STPG2: variants seen among roughly 807,000 people sequenced by gnomAD.
STPG2 encodes sperm-tail PG-rich repeat-containing protein 2.
Under a neutral mutation model 54.2 loss-of-function variants are expected in STPG2, and 56 were observed. The observed-to-expected ratio is 1.03, with a 90% confidence interval of 0.83 to 1.29. The LOEUF (loss-of-function observed/expected upper bound fraction) is 1.29. STPG2 is among the 50% of genes most tolerant of loss of function. STPG2 has a pLI of 0.00. For synonymous variants in STPG2, 200 were observed against 181.8 expected (o/e 1.10, Z -0.81); for missense variants, 596 against 544.9 (o/e 1.09, Z -0.93).
chr4:97,946,751 T>C (rs1489183665), intron 7 of STPG2, among the ~76,000 whole-genome samples: 3 of 152,176 alleles, frequency 2.0e-5, no homozygotes, highest in Non-Finnish European at 2.9e-5. Context: ...CATTGATCTA[T>C]ATGTCTACTT....
At chr4:97,444,988 G>C (rs922596520) in intron 4 of STPG2, among the ~76,000 whole-genome samples, 16 of 152,186 alleles carry the variant, frequency 1.1e-4, no homozygotes, top group Non-Finnish European at 1.9e-4. Context: ...AGTGAGTGGA[G>C]ATCGTGCCAC....
At chr4:97,732,532 A>G (rs1374644283) in intron 9 of STPG2, among the ~76,000 whole-genome samples, 2 of 152,118 alleles carry the variant, frequency 1.3e-5, no homozygotes, top group African/African-American at 4.8e-5. Context: ...CAAGGATAAG[A>G]CCCCAAAAAC....
At chr4:97,570,668 C>G (rs1414085958) in intron 10 of STPG2, among the ~76,000 whole-genome samples, 1 of 152,016 alleles carries the variant, frequency 6.6e-6, no homozygotes, top group African/African-American at 2.4e-5. Context: ...ACAGAGGAAT[C>G]TACATTAACA....
intron 7 of STPG2, 30 bp downstream of exon 7, chr4:97,972,250 A>C: frequency 6.9e-7 from 1 of 1,439,514 alleles, no homozygotes; most frequent in Non-Finnish European, 9.4e-7. Context: ...ATTCAACATA[A>C]AGAATATTAT....
intron 8 of STPG2, among the ~76,000 whole-genome samples, chr4:97,922,414 T>C (rs960676983): frequency 1.3e-5 from 2 of 152,128 alleles, no homozygotes; most frequent in South Asian, 4.1e-4. Context: ...CCTGACTAAA[T>C]TTGGCCAGAG....
At chr4:98,022,394 G>T (rs1273259704) in intron 5 of STPG2, among the ~76,000 whole-genome samples, 2 of 152,304 alleles carry the variant, frequency 1.3e-5, no homozygotes, top group South Asian at 2.1e-4. Context: ...TCCACTGTTA[G>T]TCTGATGGGC....
intron 9 of STPG2, among the ~76,000 whole-genome samples, chr4:97,778,839 A>C (rs1283475771): frequency 6.6e-6 from 1 of 152,232 alleles, no homozygotes; most frequent in Non-Finnish European, 1.5e-5. Context: ...GTGGACCTCC[A>C]GCAAACTCCA....
intron 4 of STPG2, among the ~76,000 whole-genome samples, chr4:97,538,394 T>A (rs1214974078): frequency 6.6e-6 from 1 of 152,172 alleles, no homozygotes; most frequent in East Asian, 1.9e-4. Flanking sequence ...ACGTGACAAA[T>A]GCACAAGCTT....
At chr4:97,938,871 G>C (rs570638990) in intron 8 of STPG2, among the ~76,000 whole-genome samples, 8 of 151,962 alleles carry the variant, frequency 5.3e-5, no homozygotes, top group Non-Finnish European at 1.0e-4. Flanking sequence ...CTCAGTGGGA[G>C]CCTCTGACCA....
intron 4 of STPG2, among the ~76,000 whole-genome samples, chr4:97,493,632 T>C (rs375653720): frequency 6.6e-6 from 1 of 151,574 alleles, no homozygotes; most frequent in African/African-American, 2.4e-5. Flanking sequence ...GTACCCAATG[T>C]ACTTAGTTCT....
chr4:97,629,669 A>G (rs555297558), intron 10 of STPG2, among the ~76,000 whole-genome samples: 2 of 152,156 alleles, frequency 1.3e-5, no homozygotes, highest in South Asian at 2.1e-4. Flanking sequence ...TGAAACAGTA[A>G]AAGTTACAAC....
chr4:97,677,998 C>T (rs193109410), intron 10 of STPG2, among the ~76,000 whole-genome samples: 2 of 151,840 alleles, frequency 1.3e-5, no homozygotes, highest in African/African-American at 2.4e-5. Flanking sequence ...ATATATACAT[C>T]ATTAAATACT....
chr4:97,606,472 CAAAT>C (rs1454748361), intron 10 of STPG2, among the ~76,000 whole-genome samples: 1 of 151,716 alleles, frequency 6.6e-6, no homozygotes, highest in Non-Finnish European at 1.5e-5. Context: ...TTGGAAAAAA[CAAAT>C]ATATATAGAG....
At chr4:97,893,943 G>A (rs1730861321) in intron 8 of STPG2, among the ~76,000 whole-genome samples, 1 of 151,886 alleles carries the variant, frequency 6.6e-6, no homozygotes, top group South Asian at 2.1e-4. Context: ...AACAGAAAGG[G>A]TAAAAGTCGA....
chr4:97,962,760 C>A (rs1733936638), intron 7 of STPG2, among the ~76,000 whole-genome samples: 1 of 152,164 alleles, frequency 6.6e-6, no homozygotes, highest in Non-Finnish European at 1.5e-5. Flanking sequence ...AAATAACTTG[C>A]ACGAGATCAG....
intron 9 of STPG2, among the ~76,000 whole-genome samples, chr4:97,751,176 A>G (rs1210865615): frequency 6.6e-6 from 1 of 151,914 alleles, no homozygotes; most frequent in Non-Finnish European, 1.5e-5. Flanking sequence ...CTGGGAAATT[A>G]GTACATCTAG....
intron 9 of STPG2, among the ~76,000 whole-genome samples, chr4:97,725,133 A>G (rs927660330): frequency 6.6e-6 from 1 of 152,106 alleles, no homozygotes; most frequent in Non-Finnish European, 1.5e-5. Context: ...GAGGTATGAT[A>G]GTGGGAAGGC....
At chr4:97,858,761 G>T (rs1333673754) in intron 8 of STPG2, among the ~76,000 whole-genome samples, 3 of 152,086 alleles carry the variant, frequency 2.0e-5, no homozygotes. Flanking sequence ...AGTATTCCAT[G>T]GTGTACGTAT....
At chr4:97,982,377 TAC>T (rs59489663) in intron 5 of STPG2, among the ~76,000 whole-genome samples, 5,819 of 143,430 alleles carry the variant, frequency 0.041, 327 homozygotes, top group African/African-American at 0.13. Context: ...TCTCTTACTC[TAC>T]ACACACACAC....
Sources: gnomAD v4.1 joint callset for allele counts (sites outside exome capture counted in the v4.1 genomes callset) on GRCh38, gnomAD v4.1.1 for gene constraint, MANE v1.5 for transcripts, NCBI Gene and HGNC (gene_info 2026-07-23, HGNC 2026-07-21) for gene names.